Variants in GRK1 observed in about 807,000 individuals in gnomAD.
GRK1 encodes the protein G protein-coupled receptor kinase 1.
GRK1 carries 28 observed loss-of-function variants against 41.7 expected under a neutral mutation model. The observed-to-expected ratio is 0.67, with a 90% CI of 0.50 to 0.92. GRK1 has a LOEUF of 0.92. Ranked by LOEUF, GRK1 falls within the 40% of genes least tolerant of loss-of-function variation. The pLI is 0.00. For missense variants in GRK1, 703 were observed against 671.2 expected, an observed-to-expected ratio of 1.05 and a Z score of -0.52; for synonymous variants, 327 against 286.7, an observed-to-expected ratio of 1.14 and a Z score of -1.42.
At chr13:113,656,339 C>A in the GRK1 span, among the ~76,000 whole-genome samples, 1 of 152,306 alleles carries the variant, frequency 6.6e-6, no homozygotes, top group African/African-American at 2.4e-5. Context: ...CTCTGGGGCC[C>A]GTGGTGCACA....
chr13:113,667,728 C>T lies in GRK1; in HGVS notation c.342C>T (p.Tyr114=), dbSNP rs771607330. The T allele has an allele frequency of 6.2e-7, 1 of 1,613,896 alleles. No individual in the cohort carries two copies. Among genetic ancestry groups the T allele is most frequent in the South Asian group, 1.1e-5 (1 of 91,076 alleles). Residue 114 remains tyrosine (Y), a synonymous_variant, in exon 1 of 7, where the codon TAC becomes TAT. Transcript: ENST00000335678. This position sits in a 1 kb window ranked among gnomAD's most constrained non-coding sequence, Gnocchi z 7.5. ...AGGCCCAGACCATCCTGGCCCAGTA[C>T]CTGGACCCCCAGGCCAAACTCTTCT... The part of the protein sequence containing the change: ...PQKAQTILAQ[Y]LDPQAKLFCS...
At chr13:113,670,579 G>A (rs1210709147) in intron 2 of GRK1, among the ~76,000 whole-genome samples, 1 of 152,218 alleles carries the variant, frequency 6.6e-6, no homozygotes, top group Non-Finnish European at 1.5e-5. Context: ...CTCCAGGTGA[G>A]GCTGGTGGCC....
At chr13:113,662,225 T>C (rs2049795161), upstream of GRK1, among the ~76,000 whole-genome samples, 1 of 152,190 alleles carries the variant, frequency 6.6e-6, no homozygotes. Flanking sequence ...CACACAATCA[T>C]ATCAATCAGC....
chr13:113,648,754 C>T, the GRK1 span: 2 of 152,186 alleles, frequency 1.3e-5, no homozygotes, highest in African/African-American at 2.4e-5. Context: ...CCCACACCAA[C>T]GTGGTTTTTG....
chr13:113,736,524 T>C lies in GRK1; in HGVS notation c.*1161T>C, dbSNP rs1594584882. ...TTTTAACTGCAGGAAGTTAGTTCTG[T>C]TGCAACTGCCTCCAGGACACACTCC... On this transcript the variant is annotated 3_prime_UTR_variant, in exon 7 of 7. Coordinates refer to ENST00000335678, the MANE Select transcript of GRK1 (RefSeq NM_002929.3). 1 of 152,346 alleles carries C rather than the reference T, an allele frequency of 6.6e-6. No individual in the cohort carries two copies. Among genetic ancestry groups the C allele is most frequent in the East Asian group, 1.9e-4 (1 of 5,186 alleles). 9.4% of individuals were successfully genotyped at this position (152,346 alleles called of 1,614,324 possible).
the GRK1 span, among the ~76,000 whole-genome samples, chr13:113,659,091 C>T: frequency 1.2e-3 from 188 of 152,344 alleles, no homozygotes; most frequent in African/African-American, 4.4e-3. Context: ...TCACTGCCCA[C>T]TTCCGCCCGG....
At chr13:113,672,263 TTGTG>T (rs1304638404) in intron 3 of GRK1, among the ~76,000 whole-genome samples, 11 of 148,532 alleles carry the variant, frequency 7.4e-5, no homozygotes, top group African/African-American at 2.7e-4. Context: ...TGGTGTGTGA[TTGTG>T]TGGTGTGTGC....
intron 6 of GRK1, among the ~76,000 whole-genome samples, chr13:113,733,646 T>C (rs1256071201): frequency 1.5e-5 from 2 of 135,982 alleles, no homozygotes; most frequent in Non-Finnish European, 3.1e-5. Context: ...CATGTATGTG[T>C]GCATACGTGT....
the GRK1 span, chr13:113,649,365 C>A: frequency 6.3e-7 from 1 of 1,588,886 alleles, no homozygotes; most frequent in Admixed American, 1.7e-5. The surrounding 1 kb of genome is among the most constrained non-coding windows in gnomAD (Gnocchi z 4.7). Flanking sequence ...GACCCCTGCG[C>A]AAACCGTTTC....
chr13:113,728,214 G>A (rs1362378031), intron 4 of GRK1, among the ~76,000 whole-genome samples: 3 of 118,228 alleles, frequency 2.5e-5, no homozygotes, highest in African/African-American at 3.6e-5. Flanking sequence ...TACCCATGGC[G>A]ATGAGGAGTA....
rs188655845 is a variant in GRK1, at chr13:113,726,511, G to C, written c.1069+3354G>C. Reference sequence around the variant, plus strand: ...ATGCGCGGTCCTAGTTTGAGTTCAGGGGCGGGAGAATTTGTGAACAGAGCA... The same window carrying C: ...ATGCGCGGTCCTAGTTTGAGTTCAGCGGCGGGAGAATTTGTGAACAGAGCA... On this transcript the variant is annotated intron_variant, in intron 4 of 6. Coordinates refer to ENST00000335678, the MANE Select transcript of GRK1 (RefSeq NM_002929.3). The C allele has an allele frequency of 1.4e-4, 23 of 165,678 alleles. No individual in the cohort carries two copies. The East Asian group carries it at 1.9e-3, about 14-fold the overall frequency. The allele number at this position is 165,678 out of a possible 1,614,324, so 10.3% of individuals were successfully genotyped here.
chr13:113,648,327 T>C, the GRK1 span, among the ~76,000 whole-genome samples: 1 of 152,376 alleles, frequency 6.6e-6, no homozygotes, highest in Non-Finnish European at 1.5e-5. Flanking sequence ...GACTTTTCTG[T>C]GTGTCTGTTG....
intron 2 of GRK1, 44 bp downstream of exon 2, chr13:113,669,858 C>A: frequency 6.2e-7 from 1 of 1,609,602 alleles, no homozygotes; most frequent in South Asian, 1.1e-5. Context: ...CGCTGTCCCA[C>A]TGGGTCAGGG....
the GRK1 span, among the ~76,000 whole-genome samples, chr13:113,652,298 C>A: frequency 3.9e-5 from 6 of 152,214 alleles, no homozygotes; most frequent in Admixed American, 1.3e-4. Context: ...CTGACGGGGA[C>A]CCGTGAGGTG....
At chr13:113,723,907 C>A (rs1369071231) in intron 4 of GRK1, among the ~76,000 whole-genome samples, 2 of 150,706 alleles carry the variant, frequency 1.3e-5, no homozygotes, top group Non-Finnish European at 2.9e-5. Context: ...CCTGTATGTG[C>A]ATGCCTGCAT....
At chr13:113,734,965 G>A (rs2049991714) in intron 6 of GRK1, 103 bp from the exon 7 acceptor site, 1 of 1,165,194 alleles carries the variant, frequency 8.6e-7, no homozygotes, top group Non-Finnish European at 1.2e-6. Context: ...GCGGCCCCAG[G>A]CCTTTGTGCA....
rs1403264958 is a variant in GRK1 at position 113,672,643 on chromosome 13, A to C, written c.985+987A>C. Among the ~76,000 whole-genome samples the C allele has an allele frequency of 2.6e-3, 4 of 1,548 alleles. 1 individual carries two copies. The highest frequency in any genetic ancestry group is 8.5e-3 in the African/African-American group (1 of 118). 1.0% of individuals were successfully genotyped at this position (1,548 alleles called of 152,430 possible). ...CACTCAGATCCCAAGATTTGTTTAG[A>C]ACTAAACAAGTATGGTTATACAAAA... On this transcript the variant is annotated intron_variant, in intron 3 of 6. Coordinates refer to ENST00000335678, the MANE Select transcript of GRK1 (RefSeq NM_002929.3).
chr13:113,667,297 G>A lies in GRK1; in HGVS notation c.-90G>A. 1.6e-6 allele frequency: 2 copies of A among 1,256,074 alleles called. No individual in the cohort carries two copies. Among genetic ancestry groups the A allele is most frequent in the Non-Finnish European group, 2.2e-6 (2 of 923,688 alleles). The allele number at this position is 1,256,074 out of a possible 1,614,324, so 77.8% of individuals were successfully genotyped here. On this transcript the variant is annotated 5_prime_UTR_variant, in exon 1 of 7. Coordinates refer to ENST00000335678, the MANE Select transcript of GRK1 (RefSeq NM_002929.3). This position sits in a 1 kb window ranked among gnomAD's most constrained non-coding sequence, Gnocchi z 7.5. ...GGCAGGGACGGGCCACAGGCCAAGG[G>A]CAGCAGTCAGGCCTGCTCTGTCTGT... is the stretch of plus-strand genomic sequence containing the variant.
rs1047442806 is a variant in GRK1, at chr13:113,671,975, G to A, written c.985+319G>A. On this transcript the variant is annotated intron_variant, in intron 3 of 6. Transcript: ENST00000335678. This position sits in a 1 kb window ranked among gnomAD's most constrained non-coding sequence, Gnocchi z 4.1. ...CACGAGGGTTTAGGCTCCCGACAGCGGCAGGTCAGGCAAGTGCGAGACACG... is the reference window on the plus strand; with the variant it reads ...CACGAGGGTTTAGGCTCCCGACAGCAGCAGGTCAGGCAAGTGCGAGACACG... Among the ~76,000 whole-genome samples the A allele has an allele frequency of 2.2e-4, 34 of 152,034 alleles. No individual in the cohort carries two copies. Among genetic ancestry groups the A allele is most frequent in the Non-Finnish European group, 3.7e-4 (25 of 68,008 alleles).
Sources: allele counts gnomAD v4.1 joint callset (sites outside exome capture counted in the v4.1 genomes callset), GRCh38; gene constraint gnomAD v4.1.1; non-coding constraint Gnocchi (gnomAD v3.1); transcripts MANE v1.5; gene names NCBI Gene and HGNC (gene_info 2026-07-23, HGNC 2026-07-21).